STPG4: variants seen among roughly 807,000 people sequenced by gnomAD.
STPG4 encodes protein STPG4.
Under a neutral mutation model 31.5 loss-of-function variants are expected in STPG4, and 41 were observed. The observed-to-expected ratio is 1.30, with a 90% CI of 1.01 to 1.69. The LOEUF is 1.69. STPG4 is among the 40% of genes most tolerant of loss of function. The pLI is 0.00. For synonymous variants in STPG4, 141 were observed against 103.0 expected (o/e 1.37, Z -2.24); for missense variants, 375 against 293.4 (o/e 1.28, Z -2.03).
intron 3 of STPG4, among the ~76,000 whole-genome samples, chr2:47,136,270 C>T (rs867030883): frequency 3.3e-5 from 5 of 152,070 alleles, no homozygotes; most frequent in South Asian, 2.1e-4. Context: ...CTCAGCTTCC[C>T]GAGTAGCTGG....
chr2:47,144,070 A>G (rs1686768627), intron 3 of STPG4, among the ~76,000 whole-genome samples: 1 of 152,140 alleles, frequency 6.6e-6, no homozygotes, highest in South Asian at 2.1e-4. Context: ...CACAGTTTAA[A>G]CTGACTTCAG....
intron 5 of STPG4, among the ~76,000 whole-genome samples, chr2:47,094,278 A>C (rs1396928850): frequency 6.6e-6 from 1 of 152,234 alleles, no homozygotes; most frequent in Non-Finnish European, 1.5e-5. Context: ...AGCCTTTCAA[A>C]GACCACTGAC....
At chr2:47,131,406 T>A (rs1434801076) in intron 3 of STPG4, among the ~76,000 whole-genome samples, 1 of 152,210 alleles carries the variant, frequency 6.6e-6, no homozygotes, top group Non-Finnish European at 1.5e-5. Flanking sequence ...GGATTACAGA[T>A]GTGAGTCACT....
chr2:47,151,275 G>C lies in STPG4; in HGVS notation c.382C>G (p.Leu128Val), dbSNP rs753022461. Residue 128 changes from leucine (L) to valine (V), a missense_variant, in exon 3 of 7, where the codon CTA becomes GTA. Leu to Val is a conservative substitution (Grantham distance 32, BLOSUM62 1). Coordinates refer to ENST00000445927, the MANE Select transcript of STPG4 (RefSeq NM_001163561.2). ...CGCTTTACCTGATCTTTGTCAACTAGTGTGCTGGGGCTTGGCCGTGGTTTG... is the reference window on the plus strand; with the variant it reads ...CGCTTTACCTGATCTTTGTCAACTACTGTGCTGGGGCTTGGCCGTGGTTTG... ...KDKPRPSPST[L>V]VDKDQSLQLS... 1.4e-5 allele frequency: 22 copies of C among 1,614,202 alleles called. No homozygotes were observed. The highest frequency in any genetic ancestry group is 1.8e-5 in the Non-Finnish European group (21 of 1,180,030).
chr2:47,122,663 C>T (rs1202552498), intron 5 of STPG4, among the ~76,000 whole-genome samples: 4 of 144,600 alleles, frequency 2.8e-5, no homozygotes, highest in Non-Finnish European at 4.5e-5. Flanking sequence ...GGATCTGTTT[C>T]TGAGCTCTGT....
At chr2:47,133,769 G>T (rs1315842210) in intron 3 of STPG4, among the ~76,000 whole-genome samples, 1 of 151,696 alleles carries the variant, frequency 6.6e-6, no homozygotes, top group Non-Finnish European at 1.5e-5. Flanking sequence ...TAGAGACAGG[G>T]CTTCTCCATG....
At chr2:47,130,715 ATGTT>A (rs1686463365) in intron 3 of STPG4, among the ~76,000 whole-genome samples, 1 of 152,086 alleles carries the variant, frequency 6.6e-6, no homozygotes, top group South Asian at 2.1e-4. Flanking sequence ...GGGTTTCACC[ATGTT>A]GGCCAGGCTG....
At chr2:47,100,517 G>A (rs569014415) in intron 5 of STPG4, among the ~76,000 whole-genome samples, 26 of 149,360 alleles carry the variant, frequency 1.7e-4, no homozygotes, top group African/African-American at 2.2e-4. Flanking sequence ...GCAGGATGTG[G>A]GTGGGGCCAG....
At chr2:47,149,604 A>G (rs1196390023) in intron 3 of STPG4, among the ~76,000 whole-genome samples, 1 of 152,232 alleles carries the variant, frequency 6.6e-6, no homozygotes, top group African/African-American at 2.4e-5. Context: ...TGGATTTGAC[A>G]TGTGTTCATC....
chr2:47,146,669 A>T (rs1047337624), intron 3 of STPG4, among the ~76,000 whole-genome samples: 1 of 152,208 alleles, frequency 6.6e-6, no homozygotes, highest in Non-Finnish European at 1.5e-5. Context: ...TGGTGTTCAT[A>T]GCCTTGAGTG....
At chr2:47,132,239 G>A (rs1014736086) in intron 3 of STPG4, among the ~76,000 whole-genome samples, 1 of 151,962 alleles carries the variant, frequency 6.6e-6, no homozygotes, top group African/African-American at 2.4e-5. Context: ...GCCAGGAGGA[G>A]AAGATCATCC....
intron 3 of STPG4, among the ~76,000 whole-genome samples, chr2:47,131,313 GAC>G (rs1328671447): frequency 6.6e-6 from 1 of 151,826 alleles, no homozygotes; most frequent in Non-Finnish European, 1.5e-5. Flanking sequence ...TCTTAATAGA[GAC>G]AAACTCTCAC....
At chr2:47,126,099 C>T (rs999417049) in intron 5 of STPG4, among the ~76,000 whole-genome samples, 2 of 152,130 alleles carry the variant, frequency 1.3e-5, no homozygotes, top group Non-Finnish European at 2.9e-5. Context: ...TTTTATGCTA[C>T]TACCATACTG....
intron 3 of STPG4, among the ~76,000 whole-genome samples, chr2:47,139,125 G>A (rs1386675584): frequency 6.6e-6 from 1 of 152,198 alleles, no homozygotes; most frequent in Non-Finnish European, 1.5e-5. Context: ...AAATGGTGCT[G>A]TTGAGTTCAA....
intron 5 of STPG4, among the ~76,000 whole-genome samples, chr2:47,122,982 C>T (rs573454100): frequency 5.5e-4 from 83 of 152,030 alleles, no homozygotes; most frequent in Admixed American, 3.1e-3. Flanking sequence ...CATGCCACCA[C>T]GCCCAGCTAA....
At chr2:47,104,836 C>G (rs1319103328) in intron 5 of STPG4, among the ~76,000 whole-genome samples, 1 of 152,012 alleles carries the variant, frequency 6.6e-6, no homozygotes. Flanking sequence ...GCTTTGCCTA[C>G]AGCAGGTCAA....
intron 5 of STPG4, among the ~76,000 whole-genome samples, chr2:47,096,854 C>T (rs1352766949): frequency 2.0e-5 from 3 of 152,022 alleles, no homozygotes; most frequent in Non-Finnish European, 2.9e-5. Flanking sequence ...ATTAAGGAAC[C>T]ACCACCACCA....
intron 3 of STPG4, among the ~76,000 whole-genome samples, chr2:47,140,784 G>A (rs1393959687): frequency 2.0e-5 from 3 of 152,152 alleles, no homozygotes; most frequent in African/African-American, 7.2e-5. Context: ...AAATAGGTGG[G>A]TCAGAAGGCA....
intron 5 of STPG4, among the ~76,000 whole-genome samples, chr2:47,127,153 C>T (rs998404855): frequency 6.0e-5 from 9 of 150,278 alleles, no homozygotes; most frequent in Admixed American, 1.3e-4. Flanking sequence ...TTAGATTTGC[C>T]GTTTTGAGGC....
Sources: gnomAD v4.1 joint callset for allele counts (sites outside exome capture counted in the v4.1 genomes callset) on GRCh38, gnomAD v4.1.1 for gene constraint, MANE v1.5 for transcripts, NCBI Gene and HGNC (gene_info 2026-07-23, HGNC 2026-07-21) for gene names.